DAB1: variants seen among roughly 807,000 people sequenced by gnomAD.
The protein encoded by DAB1 is DAB adaptor protein 1, also known as disabled homolog 1.
In DAB1, 15 loss-of-function variants were observed where a neutral mutation model predicts 64.6. The ratio of observed to expected loss-of-function variants is 0.23; its 90% CI spans 0.16 to 0.36. The LOEUF is 0.36. Among genes scored for constraint, DAB1 ranks in the 10% least tolerant of loss-of-function variants. DAB1 has a pLI of 1.00. For missense variants in DAB1, 596 were observed against 706.7 expected, an observed-to-expected ratio of 0.84 and a Z score of 1.78; for synonymous variants, 235 against 251.9, an observed-to-expected ratio of 0.93 and a Z score of 0.64.
At chr1:57,189,104 G>A (rs1313725964) in intron 2 of DAB1, among the ~76,000 whole-genome samples, 2 of 152,088 alleles carry the variant, frequency 1.3e-5, no homozygotes, top group African/African-American at 4.8e-5. Flanking sequence ...TTGTCTCCAT[G>A]ATCAAAATAA....
At chr1:57,922,445 AAG>A (rs941722583) in intron 5 of DAB1, among the ~76,000 whole-genome samples, 9 of 152,052 alleles carry the variant, frequency 5.9e-5, no homozygotes, top group Non-Finnish European at 1.5e-5. Flanking sequence ...AAGAGAGAAA[AAG>A]AAATTAAAAC....
chr1:57,428,731 C>G (rs914112190), upstream of DAB1, among the ~76,000 whole-genome samples: 6 of 150,298 alleles, frequency 4.0e-5, no homozygotes, highest in Non-Finnish European at 7.4e-5. Flanking sequence ...TTTTGAAGAA[C>G]TTTCATATTC....
At chr1:57,462,258 T>C (rs1356176160) in intron 7 of DAB1, among the ~76,000 whole-genome samples, 1 of 152,140 alleles carries the variant, frequency 6.6e-6, no homozygotes, top group Non-Finnish European at 1.5e-5. Context: ...AGATATAGTC[T>C]TGTATAGTGT....
At chr1:57,245,730 C>T (rs531441263) in intron 2 of DAB1, among the ~76,000 whole-genome samples, 7 of 152,128 alleles carry the variant, frequency 4.6e-5, no homozygotes, top group South Asian at 2.1e-4. Context: ...CGAATAGTGC[C>T]GCAATAAACA....
At chr1:57,577,298 C>T (rs1028972175) in intron 7 of DAB1, among the ~76,000 whole-genome samples, 2 of 152,010 alleles carry the variant, frequency 1.3e-5, no homozygotes, top group Non-Finnish European at 2.9e-5. Context: ...AGAAAAGTTC[C>T]CATTTTATAG....
intron 4 of DAB1, among the ~76,000 whole-genome samples, chr1:58,291,676 A>G (rs916385185): frequency 2.6e-5 from 4 of 152,178 alleles, no homozygotes; most frequent in African/African-American, 9.6e-5. Context: ...TGTCCTTTTA[A>G]TGCTCATAGG....
intron 4 of DAB1, among the ~76,000 whole-genome samples, chr1:58,206,269 G>A (rs1190173141): frequency 6.6e-6 from 1 of 152,198 alleles, no homozygotes; most frequent in Non-Finnish European, 1.5e-5. Flanking sequence ...TAGGTAGGTT[G>A]CATTTTTTTG....
chr1:57,737,082 G>C (rs1306721052), intron 6 of DAB1, among the ~76,000 whole-genome samples: 3 of 152,202 alleles, frequency 2.0e-5, no homozygotes, highest in Non-Finnish European at 4.4e-5. Flanking sequence ...AGCTACCGGA[G>C]AGGGCTTCTC....
intron 7 of DAB1, among the ~76,000 whole-genome samples, chr1:57,643,978 C>T (rs896739626): frequency 2.6e-5 from 4 of 152,342 alleles, no homozygotes; most frequent in East Asian, 3.9e-4. Context: ...GCAGTCAGCA[C>T]TCTGTGGTGA....
intron 7 of DAB1, among the ~76,000 whole-genome samples, chr1:57,486,950 T>C (rs1171503165): frequency 6.7e-6 from 1 of 148,896 alleles, no homozygotes; most frequent in Non-Finnish European, 1.5e-5. Context: ...CCCACAAAAA[T>C]TAAAAATTAA....
intron 4 of DAB1, among the ~76,000 whole-genome samples, chr1:58,336,784 G>A (rs1569656957): frequency 6.6e-6 from 1 of 152,108 alleles, no homozygotes; most frequent in East Asian, 1.9e-4. Flanking sequence ...CAGTTTTGAT[G>A]CATTAGCTCA....
chr1:58,417,458 G>A (rs1290644463), intron 3 of DAB1, among the ~76,000 whole-genome samples: 2 of 152,206 alleles, frequency 1.3e-5, no homozygotes, highest in Non-Finnish European at 2.9e-5. Flanking sequence ...CTCACTAGCT[G>A]GCCCCACGGC....
chr1:58,035,688 T>C (rs755267518), intron 5 of DAB1, among the ~76,000 whole-genome samples: 12 of 152,336 alleles, frequency 7.9e-5, no homozygotes, highest in Admixed American at 7.2e-4. Flanking sequence ...TTGGAGACTA[T>C]GTAGTCTAAG....
In DAB1 at chr1:58,217,134, T is replaced by C. The variant is rs150206718; in HGVS notation, n.310-66546A>G. Among the ~76,000 whole-genome samples, 5 of 152,354 alleles carry C rather than the reference T, an allele frequency of 3.3e-5. No individual in the cohort carries two copies. In the South Asian group the frequency reaches 6.2e-4, roughly 19 times the overall value. Reference sequence around the variant, plus strand: ...TCTTGTATGTTTTAGATACTTTCTATACATTAATTCCCCAAATAGCCCCAG... The same window carrying C: ...TCTTGTATGTTTTAGATACTTTCTACACATTAATTCCCCAAATAGCCCCAG... On this transcript the variant is annotated intron_variant and non_coding_transcript_variant, in intron 4 of 20. Transcript: ENST00000485760.
At chr1:57,597,237 G>T (rs1308632990) in intron 7 of DAB1, among the ~76,000 whole-genome samples, 3 of 152,090 alleles carry the variant, frequency 2.0e-5, no homozygotes, top group Non-Finnish European at 4.4e-5. Flanking sequence ...ATCCACCCTG[G>T]TTACAAATCT....
rs80126097 is a variant in DAB1 at position 58,401,128 on chromosome 1, T to C, written n.258-57725A>G. ...AGACTCTCAGAGTCCTTGAGAATAG[T>C]GACTGGCATAACTTACATGAATCAA... On this transcript the variant is annotated intron_variant and non_coding_transcript_variant, in intron 3 of 20. Transcript: ENST00000485760. Among the ~76,000 whole-genome samples, 1,274 of 152,308 alleles carry C rather than the reference T, an allele frequency of 8.4e-3. 23 individuals are homozygous for C. Among genetic ancestry groups the C allele is most frequent in the African/African-American group, 0.029 (1,226 of 41,576 alleles).
intron 3 of DAB1, among the ~76,000 whole-genome samples, chr1:58,491,091 A>G (rs1253321786): frequency 6.6e-6 from 1 of 151,910 alleles, no homozygotes; most frequent in Non-Finnish European, 1.5e-5. Context: ...ACAGGCGTGA[A>G]CCACTGCACC....
intron 6 of DAB1, among the ~76,000 whole-genome samples, chr1:57,770,277 CGATT>C (rs1301428543): frequency 8.6e-5 from 13 of 151,972 alleles, no homozygotes; most frequent in African/African-American, 3.1e-4. Flanking sequence ...TTTTTCTTAT[CGATT>C]GATTGATTGA....
intron 1 of DAB1, among the ~76,000 whole-genome samples, chr1:57,293,475 T>G (rs1672946855): frequency 6.6e-6 from 1 of 152,182 alleles, no homozygotes; most frequent in African/African-American, 2.4e-5. Flanking sequence ...CAATTAAGTA[T>G]GATCACACAC....
Sources: gnomAD v4.1 joint callset for allele counts (sites outside exome capture counted in the v4.1 genomes callset) on GRCh38, gnomAD v4.1.1 for gene constraint, MANE v1.5 for transcripts, NCBI Gene and HGNC (gene_info 2026-07-23, HGNC 2026-07-21) for gene names.